CACNA1E: variants seen among roughly 807,000 people sequenced by gnomAD.
The protein encoded by CACNA1E is calcium voltage-gated channel subunit alpha1 E, also known as voltage-dependent R-type calcium channel subunit alpha-1E.
In CACNA1E, 40 loss-of-function variants were observed where a neutral mutation model predicts 259.2. The ratio of observed to expected loss-of-function variants is 0.15; its 90% CI spans 0.12 to 0.20. The LOEUF is 0.20. CACNA1E is among the 10% of genes least tolerant of loss of function. CACNA1E has a pLI of 1.00. For missense variants in CACNA1E, 1,874 were observed against 3,040.1 expected (o/e 0.62, Z 9.02); for synonymous variants, 1,104 against 1,138.5 (o/e 0.97, Z 0.61).
chr1:181,700,122 A>G (rs1045009559), intron 7 of CACNA1E, among the ~76,000 whole-genome samples: 2 of 152,122 alleles, frequency 1.3e-5, no homozygotes, highest in Non-Finnish European at 2.9e-5. Context: ...GGGGCACTCC[A>G]ATGTCTAGAG....
intron 2 of CACNA1E, among the ~76,000 whole-genome samples, chr1:181,444,764 G>T (rs956389026): frequency 2.0e-5 from 3 of 152,148 alleles, no homozygotes; most frequent in Non-Finnish European, 2.9e-5. Flanking sequence ...GCACCAGCTG[G>T]GGAGATGGGA....
intron 6 of CACNA1E, among the ~76,000 whole-genome samples, chr1:181,600,918 C>T (rs564424760): frequency 1.2e-4 from 19 of 152,226 alleles, no homozygotes; most frequent in African/African-American, 2.6e-4. Flanking sequence ...AGAGGACCAA[C>T]GACTTAGCTC....
intron 3 of CACNA1E, among the ~76,000 whole-genome samples, chr1:181,564,369 C>G (rs1649613375): frequency 6.6e-6 from 1 of 152,180 alleles, no homozygotes; most frequent in Non-Finnish European, 1.5e-5. Context: ...GATTTTACCT[C>G]AAGAAACTAC....
intron 6 of CACNA1E, among the ~76,000 whole-genome samples, chr1:181,600,519 T>C (rs1653637505): frequency 6.6e-6 from 1 of 151,870 alleles, no homozygotes; most frequent in African/African-American, 2.4e-5. Flanking sequence ...AGTGATTAGA[T>C]TGGGATGTGT....
intron 7 of CACNA1E, 111 bp from the exon 8 acceptor site, chr1:181,710,843 G>A (rs1653279779): frequency 1.3e-6 from 1 of 752,630 alleles, no homozygotes; most frequent in Non-Finnish European, 2.3e-6. Flanking sequence ...AAGGGTACAT[G>A]GGCTTAATAG....
chr1:181,693,433 A>T (rs543934272), intron 7 of CACNA1E, among the ~76,000 whole-genome samples: 1 of 152,326 alleles, frequency 6.6e-6, no homozygotes, highest in East Asian at 1.9e-4. Flanking sequence ...GATTGGATAA[A>T]GAAAATGTGG....
intron 3 of CACNA1E, among the ~76,000 whole-genome samples, chr1:181,532,418 G>A (rs186580721): frequency 6.6e-6 from 1 of 152,336 alleles, no homozygotes; most frequent in Admixed American, 6.5e-5. Flanking sequence ...AGCATGATGT[G>A]GTGTATGGGT....
chr1:181,445,188 A>G (rs1660723961), intron 2 of CACNA1E, among the ~76,000 whole-genome samples: 1 of 152,206 alleles, frequency 6.6e-6, no homozygotes, highest in African/African-American at 2.4e-5. Flanking sequence ...TCTGAGCACT[A>G]ACCAATTCTC....
rs973771406 is a variant in CACNA1E at position 181,732,915 on chromosome 1, C to T, written c.2829C>T (p.Ser943=). 6.2e-7 allele frequency: 1 copy of T among 1,613,916 alleles called. No homozygotes were observed. Among genetic ancestry groups the T allele is most frequent in the Non-Finnish European group, 8.5e-7 (1 of 1,179,904 alleles). The change falls in exon 20 of 48, where the codon AGC becomes AGT. Residue 943 remains serine (S), a synonymous_variant. Coordinates refer to ENST00000367573, the MANE Select transcript of CACNA1E (RefSeq NM_001205293.3). This position sits in a 1 kb window ranked among gnomAD's most constrained non-coding sequence, Gnocchi z 5.5. The stretch of plus-strand genomic sequence containing the variant: ...CAGCCTCCCGGAGCAGGTCTGCCAG[C>T]CAGGAACGCAGTCTGGATGAAGCCA... ...SSSASRSRSA[S]QERSLDEAMP... is the part of the protein sequence containing the mutation.
At chr1:181,693,149 A>AAAAAAAAAAAAAAAAAAAAC (rs1558273258) in intron 7 of CACNA1E, among the ~76,000 whole-genome samples, 1 of 128,762 alleles carries the variant, frequency 7.8e-6, no homozygotes. Flanking sequence ...AAAAAAAAAA[A>AAAAAAAAAAAAAAAAAAAAC]ACAACAGATG....
intron 10 of CACNA1E, among the ~76,000 whole-genome samples, chr1:181,716,339 C>T (rs373458375): frequency 2.1e-3 from 311 of 149,222 alleles, no homozygotes; most frequent in African/African-American, 7.3e-3. Flanking sequence ...TTTATTCACA[C>T]GAAACATGGG....
At chr1:181,771,935 G>T (rs1369337941) in intron 36 of CACNA1E, 131 bp from the exon 37 acceptor site, 2 of 759,078 alleles carry the variant, frequency 2.6e-6, no homozygotes, top group Non-Finnish European at 4.3e-6. Context: ...CACTAGAAGG[G>T]GTCAACTGGG....
At chr1:181,498,025 G>A (rs1256819668) in intron 1 of CACNA1E, among the ~76,000 whole-genome samples, 1 of 152,184 alleles carries the variant, frequency 6.6e-6, no homozygotes, top group East Asian at 1.9e-4. Context: ...GAGCGCGTTT[G>A]GTTTGGAAAT....
chr1:181,719,690 T>C, intron 12 of CACNA1E, 61 bp from the exon 13 acceptor site: 1 of 874,730 alleles, frequency 1.1e-6, no homozygotes, highest in Non-Finnish European at 1.8e-6. Context: ...TGCTGGGCGC[T>C]AGAATGCCCC....
chr1:181,574,343 A>G (rs768140149), intron 3 of CACNA1E, among the ~76,000 whole-genome samples: 20 of 152,208 alleles, frequency 1.3e-4, no homozygotes, highest in African/African-American at 2.9e-4. Flanking sequence ...ATGCTTGAGT[A>G]TAGATTCCCA....
intron 30 of CACNA1E, 112 bp from the exon 31 acceptor site, chr1:181,757,835 A>G: frequency 8.4e-7 from 1 of 1,188,556 alleles, no homozygotes; most frequent in Non-Finnish European, 1.2e-6. Flanking sequence ...TTACTTGCCC[A>G]GCCCTGCCCT....
rs929289428 is a variant in CACNA1E, at chr1:181,717,943, G to A, written c.1526-112G>A. 2.1e-5 allele frequency: 13 copies of A among 625,424 alleles called. No individual in the cohort carries two copies. The South Asian group carries it at 2.1e-4, about 10-fold the overall frequency. The allele number at this position is 625,424 out of a possible 1,614,324, so 38.7% of individuals were successfully genotyped here. A position where few individuals can be genotyped will look rare whatever the true frequency, so the allele number is the denominator to read the frequency against. ...CCAGCCCTGGCCTGATGTGGCCACC[G>A]AATGTCCTGACGTGTGTTGTTGTGA... On this transcript the variant is annotated intron_variant, in intron 11 of 47. Coordinates refer to ENST00000367573, the MANE Select transcript of CACNA1E (RefSeq NM_001205293.3).
At chr1:181,426,296 C>T (rs1330928383) in intron 2 of CACNA1E, among the ~76,000 whole-genome samples, 1 of 151,930 alleles carries the variant, frequency 6.6e-6, no homozygotes. Flanking sequence ...CCGTCTCAAG[C>T]CCTTCCTATG....
rs578066091 is a variant in CACNA1E at position 181,336,055 on chromosome 1, T to C, written c.-15+17932T>C. 2.0e-5 allele frequency among the ~76,000 whole-genome samples: 3 copies of C among 152,360 alleles called. No individual in the cohort carries two copies. In the South Asian group the frequency reaches 6.2e-4, roughly 32 times the overall value. ...ACAGGTCTAATCAATAGAACTTACT[T>C]TAGACCTTCAATCTAGTTGAGTCTC... On this transcript the variant is annotated intron_variant, in intron 1 of 11. Transcript: ENST00000524607.
Sources: gnomAD v4.1 joint callset for allele counts (sites outside exome capture counted in the v4.1 genomes callset) on GRCh38, gnomAD v4.1.1 for gene constraint, Gnocchi (gnomAD v3.1) non-coding constraint, MANE v1.5 for transcripts, NCBI Gene and HGNC (gene_info 2026-07-23, HGNC 2026-07-21) for gene names.